RALGAPB: variants seen among roughly 807,000 people sequenced by gnomAD.
RALGAPB encodes the protein Ral GTPase activating protein non-catalytic subunit beta.
Under a neutral mutation model 161.1 loss-of-function variants are expected in RALGAPB, and 25 were observed. The observed-to-expected ratio is 0.16, with a 90% CI of 0.11 to 0.22. RALGAPB has a LOEUF of 0.22. RALGAPB is among the 10% of genes least tolerant of loss of function. RALGAPB has a pLI of 1.00. For missense variants in RALGAPB, 1,391 were observed against 1,815.2 expected, an observed-to-expected ratio of 0.77 and a Z score of 4.25; for synonymous variants, 629 against 626.1, an observed-to-expected ratio of 1.00 and a Z score of -0.07.
chr20:38,573,297 A>G (rs375885769), intron 28 of RALGAPB, among the ~76,000 whole-genome samples: 19 of 151,942 alleles, frequency 1.3e-4, no homozygotes, highest in Admixed American at 2.6e-4. Context: ...GGACAGAATT[A>G]CTCAAGGATT....
At chr20:38,499,395 T>G in intron 4 of RALGAPB, 52 bp from the exon 5 acceptor site, 35 of 1,485,686 alleles carry the variant, frequency 2.4e-5, no homozygotes, top group Non-Finnish European at 3.2e-5. Context: ...GTCTTAAAGA[T>G]TCTGCTTTAA....
intron 1 of RALGAPB, 122 bp from the exon 2 acceptor site, chr20:38,488,281 T>C (rs890726277): frequency 6.6e-6 from 4 of 603,298 alleles, no homozygotes; most frequent in African/African-American, 3.7e-5. Context: ...TTGAAAAACA[T>C]TGATAGAGGC....
intron 23 of RALGAPB, among the ~76,000 whole-genome samples, chr20:38,560,170 T>TG (rs2087737745): frequency 6.6e-6 from 1 of 152,144 alleles, no homozygotes; most frequent in Non-Finnish European, 1.5e-5. Flanking sequence ...ACCAGGGTTA[T>TG]AGTGCCGAAC....
At chr20:38,513,674 T>C (rs2086040991) in intron 6 of RALGAPB, among the ~76,000 whole-genome samples, 1 of 151,604 alleles carries the variant, frequency 6.6e-6, no homozygotes, top group African/African-American at 2.4e-5. Context: ...TAAATTAAAA[T>C]ATAAATAAAC....
chr20:38,493,971 C>T (rs2085344810), intron 3 of RALGAPB, among the ~76,000 whole-genome samples: 1 of 152,208 alleles, frequency 6.6e-6, no homozygotes, highest in Non-Finnish European at 1.5e-5. Context: ...TCTTTCCCAT[C>T]ATGATGTCTT....
chr20:38,544,846 C>T (rs1386597674), intron 18 of RALGAPB, among the ~76,000 whole-genome samples: 4 of 152,188 alleles, frequency 2.6e-5, no homozygotes, highest in African/African-American at 9.7e-5. Context: ...TGTACTCGGA[C>T]TGCATTGCAT....
chr20:38,540,918 A>C (rs2086944682), intron 17 of RALGAPB, 123 bp from the exon 18 acceptor site: 1 of 1,008,454 alleles, frequency 9.9e-7, no homozygotes, highest in Non-Finnish European at 1.4e-6. Flanking sequence ...TCCATTAAAG[A>C]AATTACCAAG....
intron 23 of RALGAPB, among the ~76,000 whole-genome samples, chr20:38,561,080 A>G (rs1395554601): frequency 6.6e-6 from 1 of 152,180 alleles, no homozygotes; most frequent in African/African-American, 2.4e-5. Flanking sequence ...TAATCCCAGC[A>G]CTTGGGAGGC....
intron 10 of RALGAPB, 32 bp downstream of exon 10, chr20:38,521,730 T>C (rs374829133): frequency 3.1e-6 from 5 of 1,608,264 alleles, no homozygotes; most frequent in East Asian, 4.5e-5. Context: ...TTTTCATTTA[T>C]ATAGTTTTGA....
At chr20:38,480,992 T>C (rs1010749706) in intron 1 of RALGAPB, among the ~76,000 whole-genome samples, 1 of 152,100 alleles carries the variant, frequency 6.6e-6, no homozygotes, top group Admixed American at 6.6e-5. Context: ...CATCTTGGCC[T>C]CCCAAAGTGC....
intron 6 of RALGAPB, 53 bp from the exon 7 acceptor site, chr20:38,516,139 A>T: frequency 1.5e-6 from 2 of 1,360,114 alleles, no homozygotes; most frequent in East Asian, 4.7e-5. Context: ...CGTGTATTTT[A>T]TTGCTATAGA....
intron 20 of RALGAPB, among the ~76,000 whole-genome samples, chr20:38,549,617 A>G (rs559091031): frequency 6.6e-6 from 1 of 151,550 alleles, no homozygotes; most frequent in South Asian, 2.1e-4. Flanking sequence ...TATGCTGTGT[A>G]TAATTTAATG....
chr20:38,485,966 CT>C (rs11481893), intron 1 of RALGAPB, among the ~76,000 whole-genome samples: 44 of 90,684 alleles, frequency 4.9e-4, no homozygotes, highest in South Asian at 3.0e-3. Context: ...CTTTCTATAT[CT>C]TTTTTTTTTT....
chr20:38,504,798 A>AT (rs2085706795), intron 5 of RALGAPB, among the ~76,000 whole-genome samples: 1 of 152,240 alleles, frequency 6.6e-6, no homozygotes, highest in Admixed American at 6.5e-5. Flanking sequence ...AAGAAGACAT[A>AT]TAAGTGGCCA....
At chr20:38,495,246 C>T (rs570596812) in intron 3 of RALGAPB, among the ~76,000 whole-genome samples, 1 of 151,860 alleles carries the variant, frequency 6.6e-6, no homozygotes, top group African/African-American at 2.4e-5. Context: ...TGCCATTTTG[C>T]TAGAGATTAT....
chr20:38,516,895 G>A (rs1351171399), intron 7 of RALGAPB, among the ~76,000 whole-genome samples: 1 of 152,174 alleles, frequency 6.6e-6, no homozygotes, highest in Non-Finnish European at 1.5e-5. Flanking sequence ...GAAAGGCAGT[G>A]ATTTATAATA....
chr20:38,538,125 A>C (rs2086862584), intron 16 of RALGAPB: 1 of 162,018 alleles, frequency 6.2e-6, no homozygotes, highest in South Asian at 1.8e-4. Context: ...GCTGTGGTTC[A>C]TTATGGAGAG....
At chr20:38,556,493 T>G (rs2087590839) in intron 22 of RALGAPB, among the ~76,000 whole-genome samples, 1 of 152,016 alleles carries the variant, frequency 6.6e-6, no homozygotes, top group Non-Finnish European at 1.5e-5. Context: ...AAATGAGACT[T>G]AAGGTTGCCA....
intron 10 of RALGAPB, among the ~76,000 whole-genome samples, chr20:38,524,250 C>T (rs1455279652): frequency 6.6e-6 from 1 of 152,150 alleles, no homozygotes; most frequent in African/African-American, 2.4e-5. Context: ...ATGCAGGTTT[C>T]TTTCTTTCAT....
Sources: gnomAD v4.1 joint callset for allele counts (sites outside exome capture counted in the v4.1 genomes callset) on GRCh38, gnomAD v4.1.1 for gene constraint, MANE v1.5 for transcripts, NCBI Gene and HGNC (gene_info 2026-07-23, HGNC 2026-07-21) for gene names.